SUCO: variants seen among roughly 807,000 people sequenced by gnomAD.
The protein encoded by SUCO is SUN domain containing ossification factor.
Under a neutral mutation model 148.1 loss-of-function variants are expected in SUCO, and 57 were observed. That is an observed-to-expected ratio of 0.38 (90% CI 0.31 to 0.48). SUCO has a LOEUF of 0.48. SUCO is among the 20% of genes least tolerant of loss of function. The pLI is 0.96. For synonymous variants in SUCO, 470 were observed against 502.7 expected (o/e 0.93, Z 0.87); for missense variants, 1,331 against 1,468.2 (o/e 0.91, Z 1.53).
intron 1 of SUCO, among the ~76,000 whole-genome samples, chr1:172,536,929 G>C (rs1652065357): frequency 6.6e-6 from 1 of 152,098 alleles, no homozygotes; most frequent in African/African-American, 2.4e-5. Flanking sequence ...GGTCCAGCCA[G>C]ACATTCCAGG....
At chr1:172,584,882 A>T in intron 15 of SUCO, 136 bp from the exon 16 acceptor site, 1 of 526,446 alleles carries the variant, frequency 1.9e-6, no homozygotes, top group Non-Finnish European at 3.3e-6. Context: ...ATTGGACTTT[A>T]GTTGTGAGGT....
intron 1 of SUCO, among the ~76,000 whole-genome samples, chr1:172,543,866 G>A (rs1329994886): frequency 6.6e-6 from 1 of 152,022 alleles, no homozygotes; most frequent in Non-Finnish European, 1.5e-5. Context: ...CAGAAGAGAA[G>A]CAACCTTAAA....
Position 172,574,013 on chromosome 1 carries a change from TG to T in SUCO, c.1157+16del, listed in dbSNP as rs765169719. ...ATCAGTGACAGGTAAATTCTAAAGC[TG>T]TTTCTATAGGGTCTATGTTGGATCT... On this transcript the variant is annotated intron_variant, in intron 10 of 23. Transcript: ENST00000263688. 2 of 1,440,986 alleles carry T rather than the reference TG, an allele frequency of 1.4e-6. No homozygotes were observed. Among genetic ancestry groups the T allele is most frequent in the Non-Finnish European group, 1.9e-6 (2 of 1,029,462 alleles). The allele number at this position is 1,440,986 out of a possible 1,614,324, so 89.3% of individuals were successfully genotyped here. A position where few individuals can be genotyped will look rare whatever the true frequency, so the allele number is the denominator to read the frequency against.
At chr1:172,578,616 A>G (rs1655639629) in intron 14 of SUCO, 2 of 839,932 alleles carry the variant, frequency 2.4e-6, no homozygotes, top group Admixed American at 1.2e-4. Flanking sequence ...TGTAACTGAA[A>G]CTCCCTTCTA....
chr1:172,582,823 C>T (rs991333337), intron 15 of SUCO, among the ~76,000 whole-genome samples: 3 of 152,158 alleles, frequency 2.0e-5, no homozygotes, highest in East Asian at 1.9e-4. Context: ...TTTGTTACCA[C>T]GTTTCCTGAA....
At chr1:172,539,680 G>A (rs1652300409) in intron 1 of SUCO, among the ~76,000 whole-genome samples, 1 of 152,198 alleles carries the variant, frequency 6.6e-6, no homozygotes, top group African/African-American at 2.4e-5. Context: ...GAAAAAACAT[G>A]TAAAGGCTAA....
At chr1:172,574,398 G>C (rs1655270796) in intron 10 of SUCO, among the ~76,000 whole-genome samples, 1 of 151,958 alleles carries the variant, frequency 6.6e-6, no homozygotes, top group African/African-American at 2.4e-5. Context: ...AAACATACAT[G>C]TGTAGGTGCT....
At chr1:172,569,727 A>G (rs1654806989) in intron 7 of SUCO, among the ~76,000 whole-genome samples, 2 of 152,148 alleles carry the variant, frequency 1.3e-5, no homozygotes, top group East Asian at 3.8e-4. Flanking sequence ...TGTAAGAAAT[A>G]CATCCTTAAT....
At chr1:172,597,066 T>TGGGCATGGGACCCTCCGAGCC (rs1338302808) in intron 19 of SUCO, among the ~76,000 whole-genome samples, 31 of 152,356 alleles carry the variant, frequency 2.0e-4, no homozygotes, top group South Asian at 1.0e-3. Flanking sequence ...CGAGGCTCCG[T>TGGGCATGGGACCCTCCGAGCC]GGGCATGGGA....
intron 9 of SUCO, among the ~76,000 whole-genome samples, chr1:172,573,541 A>G (rs1006064278): frequency 3.9e-5 from 6 of 152,164 alleles, no homozygotes; most frequent in Non-Finnish European, 8.8e-5. Flanking sequence ...AAGACAATGT[A>G]TATGCCAAAC....
chr1:172,563,936 G>C (rs780130088), intron 6 of SUCO, among the ~76,000 whole-genome samples: 81 of 152,338 alleles, frequency 5.3e-4, no homozygotes, highest in Non-Finnish European at 7.5e-4. Context: ...CTGCATCCCA[G>C]CTGCTCCAAC....
rs530167705 is a variant in SUCO at position 172,586,033 on chromosome 1, T to C, written c.1658+85T>C. On this transcript the variant is annotated intron_variant, in intron 17 of 23. Coordinates refer to ENST00000263688, the MANE Select transcript of SUCO (RefSeq NM_014283.5). ...TATAAAAAAAGGAATTTGTGATTTGTGTGTGAAATGATTACCTGTAGAGAG... is the reference window on the plus strand; with the variant it reads ...TATAAAAAAAGGAATTTGTGATTTGCGTGTGAAATGATTACCTGTAGAGAG... 5.8e-6 allele frequency: 5 copies of C among 856,346 alleles called. No individual in the cohort carries two copies. In the Admixed American group the frequency reaches 1.3e-4, roughly 22 times the overall value. The allele number at this position is 856,346 out of a possible 1,614,324, so 53.0% of individuals were successfully genotyped here.
chr1:172,597,400 C>T (rs1049821039), intron 19 of SUCO, among the ~76,000 whole-genome samples: 1 of 152,166 alleles, frequency 6.6e-6, no homozygotes, highest in Non-Finnish European at 1.5e-5. Flanking sequence ...TGTTCCTATT[C>T]GGCCATCTTG....
At chr1:172,536,056 G>C (rs962246456) in intron 1 of SUCO, among the ~76,000 whole-genome samples, 5 of 152,170 alleles carry the variant, frequency 3.3e-5, no homozygotes, top group Non-Finnish European at 7.4e-5. Context: ...AATATTTGCT[G>C]ACAGCTGTGT....
chr1:172,563,804 G>T (rs958957130), intron 6 of SUCO, among the ~76,000 whole-genome samples: 2 of 152,200 alleles, frequency 1.3e-5, no homozygotes, highest in African/African-American at 4.8e-5. Flanking sequence ...TGCTTTTAGG[G>T]CATTTCAGGC....
intron 6 of SUCO, among the ~76,000 whole-genome samples, chr1:172,565,198 G>T (rs934452910): frequency 6.6e-6 from 1 of 152,168 alleles, no homozygotes; most frequent in African/African-American, 2.4e-5. Context: ...TGACTTGCTG[G>T]AGAACCTACC....
Position 172,590,976 on chromosome 1 carries a change from C to T in SUCO, c.2826-8C>T, listed in dbSNP as rs1656610859. ...TAAAGCTGATTTAGACCAATTCTTA[C>T]TTCATAGGTACCGAAAACAAATGGA... is the stretch of plus-strand genomic sequence containing the variant. On this transcript the variant is annotated splice_region_variant and splice_polypyrimidine_tract_variant and intron_variant, in intron 18 of 23. Coordinates refer to ENST00000263688, the MANE Select transcript of SUCO (RefSeq NM_014283.5). 2.5e-6 allele frequency: 4 copies of T among 1,602,012 alleles called. No homozygotes were observed. The highest frequency in any genetic ancestry group is 1.3e-5 in the African/African-American group (1 of 74,494).
At chr1:172,560,896 C>G (rs1025133325) in intron 6 of SUCO, among the ~76,000 whole-genome samples, 3 of 152,218 alleles carry the variant, frequency 2.0e-5, no homozygotes, top group Admixed American at 2.0e-4. Flanking sequence ...AATGGAGACC[C>G]TATGGGGTGT....
At chr1:172,573,819 C>T in intron 9 of SUCO, 72 bp from the exon 10 acceptor site, 2 of 831,166 alleles carry the variant, frequency 2.4e-6, no homozygotes, top group Non-Finnish European at 1.9e-6. Flanking sequence ...TTTATGGAAA[C>T]TGTTAATGTC....
Sources: allele counts gnomAD v4.1 joint callset (sites outside exome capture counted in the v4.1 genomes callset), GRCh38; gene constraint gnomAD v4.1.1; transcripts MANE v1.5; gene names NCBI Gene and HGNC (gene_info 2026-07-23, HGNC 2026-07-21).